Variants in CAMTA1 observed in about 807,000 individuals in gnomAD.
The protein encoded by CAMTA1 is calmodulin binding transcription activator 1, also known as calmodulin-binding transcription activator 1.
Under a neutral mutation model 170.9 loss-of-function variants are expected in CAMTA1, and 27 were observed. The observed-to-expected ratio is 0.16, with a 90% CI of 0.12 to 0.22. The LOEUF is 0.22. CAMTA1 is among the 10% of genes least tolerant of loss of function. The pLI, the probability that CAMTA1 is intolerant of heterozygous loss-of-function variation, is 1.00. For missense variants in CAMTA1, 1,619 were observed against 2,217.2 expected (o/e 0.73, Z 5.42); for synonymous variants, 833 against 891.5 (o/e 0.93, Z 1.17).
chr1:7,612,534 T>A (rs1465547890), intron 6 of CAMTA1, among the ~76,000 whole-genome samples: 1 of 152,196 alleles, frequency 6.6e-6, no homozygotes, highest in Non-Finnish European at 1.5e-5. Context: ...GATTGCCTGT[T>A]CCCATTTAGG....
At chr1:7,074,884 T>C (rs947659111) in intron 3 of CAMTA1, among the ~76,000 whole-genome samples, 2 of 152,226 alleles carry the variant, frequency 1.3e-5, no homozygotes, top group Non-Finnish European at 2.9e-5. Context: ...ACAGACACCC[T>C]TTAGCAGACA....
At chr1:7,601,674 T>TC (rs2095444423) in intron 6 of CAMTA1, among the ~76,000 whole-genome samples, 1 of 152,210 alleles carries the variant, frequency 6.6e-6, no homozygotes, top group Admixed American at 6.5e-5. Context: ...TGAACGCGAC[T>TC]CCGTCTGCAA....
chr1:7,631,206 C>T (rs1049853645), intron 6 of CAMTA1, among the ~76,000 whole-genome samples: 4 of 152,206 alleles, frequency 2.6e-5, no homozygotes, highest in African/African-American at 7.2e-5. Context: ...TTGGTCCTCC[C>T]AGCTCCCCAC....
intron 6 of CAMTA1, among the ~76,000 whole-genome samples, chr1:7,589,534 G>A (rs540525546): frequency 2.2e-4 from 33 of 152,188 alleles, no homozygotes; most frequent in Non-Finnish European, 3.2e-4. Flanking sequence ...CATGGTGTCC[G>A]TCATTCTGTG....
chr1:7,477,316 G>C (rs919863980), intron 6 of CAMTA1, among the ~76,000 whole-genome samples: 1 of 152,110 alleles, frequency 6.6e-6, no homozygotes, highest in Non-Finnish European at 1.5e-5. Context: ...TCAGCCAGAG[G>C]GTTCCTAAGC....
chr1:7,369,163 C>T (rs2086245469), intron 5 of CAMTA1: 1 of 152,218 alleles, frequency 6.6e-6, no homozygotes, highest in African/African-American at 2.4e-5. Flanking sequence ...GGCCCAGGAG[C>T]AGAGGGAGGA....
chr1:7,505,495 C>T (rs1041479890), intron 6 of CAMTA1, among the ~76,000 whole-genome samples: 17 of 152,132 alleles, frequency 1.1e-4, no homozygotes, highest in Non-Finnish European at 2.4e-4. Flanking sequence ...CTGGAGACAG[C>T]GGGAAAAGGA....
chr1:7,178,696 A>G (rs1284014682), intron 4 of CAMTA1, among the ~76,000 whole-genome samples: 1 of 152,198 alleles, frequency 6.6e-6, no homozygotes, highest in Non-Finnish European at 1.5e-5. Context: ...GTAAAGAGCT[A>G]GAGGGAGAAG....
chr1:7,266,124 A>G (rs1371551236), intron 5 of CAMTA1, among the ~76,000 whole-genome samples: 3 of 152,236 alleles, frequency 2.0e-5, no homozygotes, highest in Non-Finnish European at 4.4e-5. Context: ...ATTTGCCTTC[A>G]TTGCTTATGC....
chr1:7,151,041 TG>T (rs1035655953), intron 4 of CAMTA1, among the ~76,000 whole-genome samples: 1 of 152,200 alleles, frequency 6.6e-6, no homozygotes, highest in Admixed American at 6.5e-5. Context: ...TGAAATCTGT[TG>T]GGGGGAGCAC....
At chr1:7,467,996 C>A in intron 6 of CAMTA1, 95 bp downstream of exon 6, 1 of 1,022,742 alleles carries the variant, frequency 9.8e-7, no homozygotes, top group Non-Finnish European at 1.5e-6. Context: ...TGCGACACGG[C>A]TTCGGGCTGA....
At chr1:7,186,038 A>C (rs558974484) in intron 4 of CAMTA1, among the ~76,000 whole-genome samples, 12 of 152,230 alleles carry the variant, frequency 7.9e-5, no homozygotes, top group Non-Finnish European at 1.3e-4. Context: ...TAATGTTCTG[A>C]TTTTTAGGGA....
intron 6 of CAMTA1, among the ~76,000 whole-genome samples, chr1:7,589,413 G>A (rs766931500): frequency 3.3e-5 from 5 of 152,306 alleles, no homozygotes; most frequent in Middle Eastern, 6.8e-3. Flanking sequence ...TGACATTTTC[G>A]TGTCATTTCC....
intron 22 of CAMTA1, among the ~76,000 whole-genome samples, chr1:7,756,704 C>T (rs753335961): frequency 6.6e-6 from 1 of 151,882 alleles, no homozygotes; most frequent in African/African-American, 2.4e-5. Flanking sequence ...AAAAATTAAC[C>T]AGGCGTGGTA....
Position 7,141,601 on chromosome 1 carries a change from A to C in CAMTA1, c.302+50230A>C, listed in dbSNP as rs865855332. On this transcript the variant is annotated intron_variant, in intron 4 of 22. Coordinates refer to ENST00000303635, the MANE Select transcript of CAMTA1 (RefSeq NM_015215.4). Reference sequence around the variant, plus strand: ...CTGGCTCTAGGTGTGGCTAATGAGCAGTCGTCAGCATCAGCACACTCAGCG... The same window carrying C: ...CTGGCTCTAGGTGTGGCTAATGAGCCGTCGTCAGCATCAGCACACTCAGCG... Among the ~76,000 whole-genome samples, 16 of 152,350 alleles carry C rather than the reference A, an allele frequency of 1.1e-4. No homozygotes were observed. The Middle Eastern group carries it at 0.014, about 130-fold the overall frequency.
chr1:7,249,578 G>A lies in CAMTA1; in HGVS notation c.390G>A (p.Gly130=). 1.2e-6 allele frequency: 2 copies of A among 1,613,996 alleles called. No homozygotes were observed. The highest frequency in any genetic ancestry group is 1.1e-5 in the South Asian group (1 of 91,080). The part of the protein sequence containing the change: ...DGYCWKKRKD[G]KTTREDHMKL... ...ATTGCTGGAAAAAGAGGAAAGATGG[G>A]AAAACGACCAGAGAGGACCACATGA... Residue 130 remains glycine (G), a synonymous_variant, in exon 5 of 23, where the codon GGG becomes GGA. Coordinates refer to ENST00000303635, the MANE Select transcript of CAMTA1 (RefSeq NM_015215.4). The surrounding 1 kb of genome is among the most constrained non-coding windows in gnomAD (Gnocchi z 4.4).
At chr1:7,145,100 G>A (rs573594038) in intron 4 of CAMTA1, among the ~76,000 whole-genome samples, 4 of 152,332 alleles carry the variant, frequency 2.6e-5, no homozygotes, top group East Asian at 3.9e-4. Context: ...TCTTTCAGGG[G>A]ACGAGGGGCA....
intron 11 of CAMTA1, among the ~76,000 whole-genome samples, chr1:7,689,850 C>T (rs928322616): frequency 3.3e-5 from 5 of 152,146 alleles, no homozygotes; most frequent in Admixed American, 1.3e-4. Flanking sequence ...AGCTAGGACA[C>T]AAAGGCAGAT....
intron 3 of CAMTA1, among the ~76,000 whole-genome samples, chr1:6,898,950 C>T (rs1676257426): frequency 6.6e-6 from 1 of 152,112 alleles, no homozygotes; most frequent in Non-Finnish European, 1.5e-5. Context: ...CACCAAGGTG[C>T]CCCTGTCTTC....
Sources: gnomAD v4.1 joint callset for allele counts (sites outside exome capture counted in the v4.1 genomes callset) on GRCh38, gnomAD v4.1.1 for gene constraint, Gnocchi (gnomAD v3.1) non-coding constraint, MANE v1.5 for transcripts, NCBI Gene and HGNC (gene_info 2026-07-23, HGNC 2026-07-21) for gene names.